Variants in PTPRD observed in about 807,000 individuals in gnomAD.
The protein encoded by PTPRD is receptor-type tyrosine-protein phosphatase delta.
Under a neutral mutation model 214.5 loss-of-function variants are expected in PTPRD, and 34 were observed. The ratio of observed to expected loss-of-function variants is 0.16; its 90% confidence interval spans 0.12 to 0.21. The LOEUF (loss-of-function observed/expected upper bound fraction) is 0.21. PTPRD is among the 10% of genes least tolerant of loss of function. PTPRD has a pLI of 1.00. For missense variants in PTPRD, 2,545 were observed against 2,398.7 expected, an observed-to-expected ratio of 1.06 and a Z score of -1.27; for synonymous variants, 1,128 against 845.7, an observed-to-expected ratio of 1.33 and a Z score of -5.79.
chr9:9,604,537 T>C (rs543015579), intron 7 of PTPRD, among the ~76,000 whole-genome samples: 74 of 152,248 alleles, frequency 4.9e-4, no homozygotes, highest in African/African-American at 1.8e-3. Flanking sequence ...TCATATAAAC[T>C]CTTTTTGGAA....
At chr9:10,015,701 G>A (rs889434215) in intron 4 of PTPRD, among the ~76,000 whole-genome samples, 6 of 152,164 alleles carry the variant, frequency 3.9e-5, no homozygotes, top group African/African-American at 1.4e-4. Context: ...CGAGAAGGAA[G>A]AGGAGTAGCA....
At chr9:8,513,777 T>C (rs1485410988) in intron 21 of PTPRD, among the ~76,000 whole-genome samples, 1 of 152,120 alleles carries the variant, frequency 6.6e-6, no homozygotes, top group Non-Finnish European at 1.5e-5. Context: ...TTGTTTTTGG[T>C]AGGTGTCCAC....
At chr9:9,699,682 G>C (rs1303891953) in intron 7 of PTPRD, among the ~76,000 whole-genome samples, 1 of 152,110 alleles carries the variant, frequency 6.6e-6, no homozygotes, top group Non-Finnish European at 1.5e-5. Flanking sequence ...GCTTCTATTT[G>C]CTAACAGAGC....
chr9:9,170,299 T>C (rs1234486275), intron 10 of PTPRD, among the ~76,000 whole-genome samples: 1 of 152,314 alleles, frequency 6.6e-6, no homozygotes, highest in East Asian at 1.9e-4. Context: ...ATCACTGTGA[T>C]GGGTAAGGTT....
chr9:8,546,128 T>C (rs373946941), intron 14 of PTPRD, among the ~76,000 whole-genome samples: 8 of 152,318 alleles, frequency 5.3e-5, no homozygotes, highest in African/African-American at 1.9e-4. Flanking sequence ...AATCTTAAAA[T>C]GACAGTCAAA....
intron 44 of PTPRD, among the ~76,000 whole-genome samples, chr9:8,323,021 T>C (rs1829985419): frequency 6.6e-6 from 1 of 152,134 alleles, no homozygotes; most frequent in Non-Finnish European, 1.5e-5. Flanking sequence ...AATTAAGTTT[T>C]AGTAAGGAAG....
chr9:8,658,829 T>C (rs1437534878), intron 12 of PTPRD, among the ~76,000 whole-genome samples: 1 of 152,146 alleles, frequency 6.6e-6, no homozygotes, highest in Non-Finnish European at 1.5e-5. Flanking sequence ...GAATACTACA[T>C]TTCCTTGATA....
chr9:9,884,741 T>A (rs2070169736), intron 5 of PTPRD, among the ~76,000 whole-genome samples: 1 of 152,052 alleles, frequency 6.6e-6, no homozygotes, highest in South Asian at 2.1e-4. Context: ...TTCATGATAG[T>A]GAGTAAGTTT....
At chr9:8,401,636 C>T (rs1207842394) in intron 36 of PTPRD, among the ~76,000 whole-genome samples, 1 of 152,068 alleles carries the variant, frequency 6.6e-6, no homozygotes, top group East Asian at 1.9e-4. Flanking sequence ...CACATTACTG[C>T]CCACACACAA....
intron 11 of PTPRD, among the ~76,000 whole-genome samples, chr9:8,816,483 C>G (rs1012003674): frequency 2.0e-5 from 3 of 152,118 alleles, no homozygotes; most frequent in Admixed American, 6.5e-5. Flanking sequence ...CTAGCAGTAT[C>G]GTTACAGGGC....
intron 3 of PTPRD, among the ~76,000 whole-genome samples, chr9:10,289,023 GTT>G (rs5896383): frequency 0.067 from 9,770 of 145,884 alleles, 519 homozygotes; most frequent in East Asian, 0.16. Flanking sequence ...AAGATGGAGA[GTT>G]TTTTTTTTTT....
intron 7 of PTPRD, among the ~76,000 whole-genome samples, chr9:9,691,604 T>C (rs2097272303): frequency 6.6e-6 from 1 of 151,928 alleles, no homozygotes; most frequent in African/African-American, 2.4e-5. Context: ...CAGTGCAGAT[T>C]CAATATACTG....
At chr9:8,827,176 A>G (rs552921541) in intron 11 of PTPRD, among the ~76,000 whole-genome samples, 2 of 152,220 alleles carry the variant, frequency 1.3e-5, no homozygotes, top group East Asian at 1.9e-4. Flanking sequence ...TCCTCCTATC[A>G]ATCTCCTTTA....
At chr9:8,593,215 C>A (rs904474295) in intron 14 of PTPRD, among the ~76,000 whole-genome samples, 1 of 152,052 alleles carries the variant, frequency 6.6e-6, no homozygotes, top group Non-Finnish European at 1.5e-5. Context: ...TGCTTGAGGG[C>A]GTTTATCTTT....
chr9:9,024,084 T>C (rs930218675), intron 10 of PTPRD, among the ~76,000 whole-genome samples: 5 of 151,852 alleles, frequency 3.3e-5, no homozygotes, highest in African/African-American at 1.2e-4. Flanking sequence ...TTCAAAATCC[T>C]ACCACTGAGA....
intron 7 of PTPRD, among the ~76,000 whole-genome samples, chr9:9,668,313 C>T (rs2096762121): frequency 6.6e-6 from 1 of 152,148 alleles, no homozygotes; most frequent in African/African-American, 2.4e-5. Flanking sequence ...CAAGTCTTCG[C>T]ATTTCCTCTC....
intron 10 of PTPRD, among the ~76,000 whole-genome samples, chr9:9,129,617 A>T (rs1429393561): frequency 6.6e-6 from 1 of 152,152 alleles, no homozygotes; most frequent in African/African-American, 2.4e-5. Flanking sequence ...CTACCCCTTA[A>T]GTGGTAGCTG....
intron 8 of PTPRD, among the ~76,000 whole-genome samples, chr9:9,464,215 A>G (rs1387223261): frequency 6.6e-6 from 1 of 152,124 alleles, no homozygotes; most frequent in African/African-American, 2.4e-5. Context: ...GAACTCTGGC[A>G]TTTTGGTAAC....
At chr9:9,740,916 G>T (rs960387909) in intron 6 of PTPRD, among the ~76,000 whole-genome samples, 1 of 152,130 alleles carries the variant, frequency 6.6e-6, no homozygotes, top group Non-Finnish European at 1.5e-5. Flanking sequence ...ATAGATGGTA[G>T]TATATTCTAT....
Sources: gnomAD v4.1 joint callset for allele counts (sites outside exome capture counted in the v4.1 genomes callset) on GRCh38, gnomAD v4.1.1 for gene constraint, MANE v1.5 for transcripts, NCBI Gene and HGNC (gene_info 2026-07-23, HGNC 2026-07-21) for gene names.